Variants in GRIN2A observed in about 807,000 individuals in gnomAD.
GRIN2A encodes the protein glutamate ionotropic receptor NMDA type subunit 2A, also known as glutamate receptor ionotropic, NMDA 2A.
Under a neutral mutation model 113.4 loss-of-function variants are expected in GRIN2A, and 22 were observed. The ratio of observed to expected loss-of-function variants is 0.19; its 90% CI spans 0.14 to 0.28. The LOEUF is 0.28. Among genes scored for constraint, GRIN2A ranks in the 10% least tolerant of loss-of-function variants. The pLI is 1.00. For synonymous variants in GRIN2A, 827 were observed against 738.4 expected (o/e 1.12, Z -1.94); for missense variants, 1,502 against 1,887.0 (o/e 0.80, Z 3.78).
chr16:10,042,869 A>T (rs544802119), intron 2 of GRIN2A, among the ~76,000 whole-genome samples: 30 of 152,280 alleles, frequency 2.0e-4, no homozygotes, highest in African/African-American at 6.3e-4. Flanking sequence ...CCCTTTTGGA[A>T]CCAGCCTATG....
At chr16:10,082,882 T>TTAA (rs901924300) in intron 2 of GRIN2A, among the ~76,000 whole-genome samples, 10 of 152,212 alleles carry the variant, frequency 6.6e-5, no homozygotes, top group African/African-American at 2.2e-4. Flanking sequence ...TGGGCTTCCT[T>TTAA]TAATAATAAT....
chr16:9,873,831 C>T (rs927976871), intron 4 of GRIN2A, among the ~76,000 whole-genome samples: 2 of 152,208 alleles, frequency 1.3e-5, no homozygotes, highest in African/African-American at 4.8e-5. Flanking sequence ...TCTTCAAACA[C>T]ACTTTAATTG....
intron 7 of GRIN2A, among the ~76,000 whole-genome samples, chr16:9,837,820 C>T (rs959350357): frequency 8.5e-5 from 13 of 152,068 alleles, no homozygotes; most frequent in East Asian, 1.9e-4. Flanking sequence ...CCATGTCAGA[C>T]GGAGGGACAA....
chr16:10,174,408 A>G (rs1474413802), intron 2 of GRIN2A, among the ~76,000 whole-genome samples: 1 of 152,256 alleles, frequency 6.6e-6, no homozygotes, highest in Non-Finnish European at 1.5e-5. Context: ...GAAATCATAA[A>G]GTTGCCTTGA....
rs371368196 is a variant in GRIN2A, at chr16:10,110,010, C to T, written c.414+69988G>A. ...TGGTGTGCTGCATCCATTAACTCGT[C>T]ATCTAGCATTAGCTATATCTCCTAA... On this transcript the variant is annotated intron_variant, in intron 2 of 12. Coordinates refer to ENST00000330684, the MANE Select transcript of GRIN2A (RefSeq NM_001134407.3). Among the ~76,000 whole-genome samples the T allele has an allele frequency of 6.6e-5, 10 of 152,262 alleles. No individual in the cohort carries two copies. In the East Asian group the frequency reaches 9.6e-4, roughly 15 times the overall value.
At chr16:9,994,511 A>G (rs1017789687) in intron 2 of GRIN2A, among the ~76,000 whole-genome samples, 8 of 152,340 alleles carry the variant, frequency 5.3e-5, no homozygotes, top group African/African-American at 1.9e-4. Context: ...CGTCCCCGAG[A>G]TGTTAACCTC....
chr16:9,974,061 A>C (rs2045728334), intron 2 of GRIN2A, among the ~76,000 whole-genome samples: 1 of 152,240 alleles, frequency 6.6e-6, no homozygotes, highest in Non-Finnish European at 1.5e-5. Flanking sequence ...TATGCATGTG[A>C]CTATTTAAAG....
chr16:10,147,253 C>A (rs746532878), intron 2 of GRIN2A, among the ~76,000 whole-genome samples: 1 of 151,850 alleles, frequency 6.6e-6, no homozygotes, highest in Non-Finnish European at 1.5e-5. Flanking sequence ...AATTGTCTGG[C>A]CCATAACGTC....
chr16:9,962,698 G>A (rs555261791), intron 2 of GRIN2A, among the ~76,000 whole-genome samples: 33 of 151,994 alleles, frequency 2.2e-4, no homozygotes, highest in Middle Eastern at 3.4e-3. Flanking sequence ...TGTGGAAGTC[G>A]GTGTGGAAAT....
At chr16:9,848,181 A>G (rs2042810666) in intron 5 of GRIN2A, among the ~76,000 whole-genome samples, 1 of 149,448 alleles carries the variant, frequency 6.7e-6, no homozygotes, top group Non-Finnish European at 1.5e-5. Flanking sequence ...ATCTCAATAT[A>G]TAAAAATGTA....
intron 2 of GRIN2A, among the ~76,000 whole-genome samples, chr16:10,158,850 C>T (rs1021833934): frequency 1.3e-5 from 2 of 152,182 alleles, no homozygotes; most frequent in African/African-American, 2.4e-5. Flanking sequence ...GCTGGTCACA[C>T]AACATTGTGA....
At chr16:9,895,871 G>A (rs930027337) in intron 3 of GRIN2A, among the ~76,000 whole-genome samples, 25 of 152,128 alleles carry the variant, frequency 1.6e-4, no homozygotes, top group African/African-American at 5.6e-4. Flanking sequence ...AGTCTACCTA[G>A]CGCCCCAAAT....
At chr16:10,039,808 G>GGGAGAGAGAGA (rs1555469298) in intron 2 of GRIN2A, among the ~76,000 whole-genome samples, 47 of 63,820 alleles carry the variant, frequency 7.4e-4, no homozygotes, top group East Asian at 6.0e-3. Flanking sequence ...GGGAGGGGGG[G>GGGAGAGAGAGA]GAGAAAGAGA....
At chr16:10,068,742 G>C (rs180864791) in intron 2 of GRIN2A, among the ~76,000 whole-genome samples, 2 of 152,314 alleles carry the variant, frequency 1.3e-5, no homozygotes, top group East Asian at 1.9e-4. Flanking sequence ...ACTAAGGTTA[G>C]TGCCATGAGA....
intron 2 of GRIN2A, among the ~76,000 whole-genome samples, chr16:10,026,335 A>T (rs181321394): frequency 1.5e-4 from 23 of 152,270 alleles, no homozygotes; most frequent in African/African-American, 4.3e-4. Flanking sequence ...TGAAAAATAA[A>T]ATAAAATGCT....
Position 9,938,240 on chromosome 16 carries a change from C to A in GRIN2A, c.726G>T (p.Glu242Asp), listed in dbSNP as rs750928387. Reference protein sequence around the residue: ...SKDEAVLILSEARSLGLTGYD... With the variant: ...SKDEAVLILSDARSLGLTGYD... ...ACCCGGTGAGGCCAAGGGAGCGGGC[C>A]TCACTCAGAATGAGAACAGCCTCGT... The change falls in exon 3 of 13, where the codon GAG (glutamate) becomes GAT (aspartate). Residue 242 changes from glutamate (E) to aspartate (D), a missense_variant. Physicochemically the swap from Glu to Asp is conservative, Grantham distance 45. This residue lies in a region of GRIN2A where 334 missense variants were observed against 403.0 expected (regional missense o/e 0.83). Coordinates refer to ENST00000330684, the MANE Select transcript of GRIN2A (RefSeq NM_001134407.3). 1 of 1,614,002 alleles carries A rather than the reference C, an allele frequency of 6.2e-7. No homozygotes were observed. The highest frequency in any genetic ancestry group is 8.5e-7 in the Non-Finnish European group (1 of 1,179,984).
At chr16:10,034,893 T>C (rs2046997214) in intron 2 of GRIN2A, among the ~76,000 whole-genome samples, 1 of 152,226 alleles carries the variant, frequency 6.6e-6, no homozygotes, top group South Asian at 2.1e-4. Flanking sequence ...ATCACACATA[T>C]ACCCAAATTA....
intron 11 of GRIN2A, among the ~76,000 whole-genome samples, chr16:9,779,027 C>T (rs1291574698): frequency 1.3e-5 from 2 of 152,214 alleles, no homozygotes; most frequent in Admixed American, 1.3e-4. Context: ...CTGCATCACA[C>T]AAGGCAAGAA....
chr16:9,916,902 T>C (rs1008426317), intron 3 of GRIN2A, among the ~76,000 whole-genome samples: 4 of 152,206 alleles, frequency 2.6e-5, no homozygotes, highest in Non-Finnish European at 4.4e-5. Context: ...TACTGCTCCA[T>C]GGTGTCTCTT....
Sources: gnomAD v4.1 joint callset for allele counts (sites outside exome capture counted in the v4.1 genomes callset) on GRCh38, gnomAD v4.1.1 for gene constraint, gnomAD v4.1.1 regional missense constraint, MANE v1.5 for transcripts, NCBI Gene and HGNC (gene_info 2026-07-23, HGNC 2026-07-21) for gene names.